Variants in B4GALT5 observed in about 807,000 individuals in gnomAD.
The protein encoded by B4GALT5 is UDP-Gal:beta-GlcNAc beta-1,4-galactosyltransferase 5.
In B4GALT5, 11 loss-of-function variants were observed where a neutral mutation model predicts 45.0. The ratio of observed to expected loss-of-function variants is 0.24; its 90% CI spans 0.15 to 0.40. The LOEUF (loss-of-function observed/expected upper bound fraction) is 0.40. B4GALT5 is among the 10% of genes least tolerant of loss of function. The pLI is 1.00. For missense variants in B4GALT5, 337 were observed against 500.2 expected, an observed-to-expected ratio of 0.67 and a Z score of 3.11; for synonymous variants, 185 against 182.9, an observed-to-expected ratio of 1.01 and a Z score of -0.09.
intron 1 of B4GALT5, among the ~76,000 whole-genome samples, chr20:49,684,834 T>C (rs2085778969): frequency 6.6e-6 from 1 of 152,202 alleles, no homozygotes; most frequent in African/African-American, 2.4e-5. Context: ...CTGTGTGATC[T>C]TGAGCTCGTG....
chr20:49,636,321 G>A lies in B4GALT5; in HGVS notation c.1158C>T (p.Asn386=), dbSNP rs146449189. 4,210 of 1,613,956 alleles carry A rather than the reference G, an allele frequency of 2.6e-3. 13 individuals are homozygous for A. The highest frequency in any genetic ancestry group is 7.9e-3 in the Middle Eastern group (48 of 6,062). The change falls in exon 9 of 9, where the codon AAC becomes AAT. Residue 386 remains asparagine (N), a synonymous_variant. Transcript: ENST00000371711. ...VNLTPELAQV[N]EY is the part of the protein sequence containing the mutation. ...CGTACATTCTCTCCTCTCAGTACTC[G>A]TTCACCTGAGCCAGCTCGGGTGTCA...
chr20:49,684,302 C>CCTCT (rs2085776432), intron 1 of B4GALT5, among the ~76,000 whole-genome samples: 1 of 152,118 alleles, frequency 6.6e-6, no homozygotes, highest in Non-Finnish European at 1.5e-5. Context: ...GTGGCTCATG[C>CCTCT]CTCTAATCCC....
chr20:49,689,383 T>C (rs1451421295), intron 1 of B4GALT5, among the ~76,000 whole-genome samples: 1 of 152,238 alleles, frequency 6.6e-6, no homozygotes, highest in Non-Finnish European at 1.5e-5. Flanking sequence ...ATTCAATGGA[T>C]CCGTTTCTGC....
chr20:49,690,855 G>A (rs542061033), intron 1 of B4GALT5, among the ~76,000 whole-genome samples: 3 of 152,160 alleles, frequency 2.0e-5, no homozygotes, highest in South Asian at 4.1e-4. Flanking sequence ...CCCTGAAATT[G>A]CAATTTATCT....
chr20:49,649,263 T>C (rs961317478), intron 2 of B4GALT5, among the ~76,000 whole-genome samples: 6 of 152,144 alleles, frequency 3.9e-5, no homozygotes, highest in Non-Finnish European at 4.4e-5. Flanking sequence ...TTATAGAGAA[T>C]AGTAGAGACT....
chr20:49,670,760 C>T (rs1447908573), intron 1 of B4GALT5, among the ~76,000 whole-genome samples: 1 of 152,102 alleles, frequency 6.6e-6, no homozygotes, highest in Non-Finnish European at 1.5e-5. Context: ...CATTCAGAGG[C>T]TTTGGTGGAA....
At chr20:49,664,985 T>C (rs1181663166) in intron 1 of B4GALT5, among the ~76,000 whole-genome samples, 1 of 152,134 alleles carries the variant, frequency 6.6e-6, no homozygotes, top group African/African-American at 2.4e-5. Flanking sequence ...AAAAGAAAAA[T>C]AAAAGGTTGT....
At chr20:49,698,112 A>C (rs1386482367) in intron 1 of B4GALT5, among the ~76,000 whole-genome samples, 1 of 152,204 alleles carries the variant, frequency 6.6e-6, no homozygotes. Context: ...ACCTGAAGTC[A>C]GGAGTTCAAG....
intron 1 of B4GALT5, among the ~76,000 whole-genome samples, chr20:49,697,160 G>C (rs2085842569): frequency 6.6e-6 from 1 of 152,208 alleles, no homozygotes; most frequent in Non-Finnish European, 1.5e-5. Context: ...GACATAAACA[G>C]CTAAAGAAAT....
chr20:49,676,540 G>A (rs2085738289), intron 1 of B4GALT5, among the ~76,000 whole-genome samples: 1 of 152,236 alleles, frequency 6.6e-6, no homozygotes, highest in Non-Finnish European at 1.5e-5. Context: ...AATAAAGAGA[G>A]GTATGAATGT....
intron 1 of B4GALT5, among the ~76,000 whole-genome samples, chr20:49,685,465 T>C (rs932680206): frequency 3.3e-5 from 5 of 152,096 alleles, no homozygotes; most frequent in Non-Finnish European, 5.9e-5. Context: ...GGGTAGCAAC[T>C]GCTGAGCCTC....
chr20:49,687,635 C>G (rs752643369), intron 1 of B4GALT5, among the ~76,000 whole-genome samples: 7 of 152,094 alleles, frequency 4.6e-5, no homozygotes, highest in Non-Finnish European at 8.8e-5. Context: ...CAGAGCAAGA[C>G]TCTGTCCTGG....
At chr20:49,679,554 T>C (rs2085755674) in intron 1 of B4GALT5, among the ~76,000 whole-genome samples, 1 of 151,104 alleles carries the variant, frequency 6.6e-6, no homozygotes, top group African/African-American at 2.4e-5. Flanking sequence ...CATGCACCTG[T>C]AGTCCCAGCT....
intron 1 of B4GALT5, among the ~76,000 whole-genome samples, chr20:49,678,450 G>A (rs1488463121): frequency 6.6e-6 from 1 of 152,180 alleles, no homozygotes; most frequent in African/African-American, 2.4e-5. Context: ...GAATGAAGAT[G>A]TCTTGCTATT....
chr20:49,645,091 TC>T (rs952191845), intron 3 of B4GALT5, among the ~76,000 whole-genome samples: 41 of 152,266 alleles, frequency 2.7e-4, no homozygotes, highest in African/African-American at 9.9e-4. Flanking sequence ...GAAAATAACT[TC>T]CAAGCAAGGC....
chr20:49,656,441 A>C (rs1250838686), intron 2 of B4GALT5, 127 bp downstream of exon 2: 2 of 1,216,342 alleles, frequency 1.6e-6, no homozygotes, highest in African/African-American at 3.0e-5. Context: ...TTTTAGCAGT[A>C]AAGTAAAACT....
chr20:49,672,108 C>G (rs2085718536), intron 1 of B4GALT5, among the ~76,000 whole-genome samples: 1 of 152,204 alleles, frequency 6.6e-6, no homozygotes. Context: ...CAAACATATT[C>G]TTCCACATAC....
chr20:49,679,715 A>C (rs963440905), intron 1 of B4GALT5, among the ~76,000 whole-genome samples: 4 of 152,116 alleles, frequency 2.6e-5, no homozygotes, highest in African/African-American at 7.2e-5. Context: ...CTTGTTTCAC[A>C]CATCAGCTGA....
At chr20:49,698,701 C>G (rs545409844) in intron 1 of B4GALT5, among the ~76,000 whole-genome samples, 97 of 152,250 alleles carry the variant, frequency 6.4e-4, no homozygotes, top group African/African-American at 2.2e-3. Context: ...TCCTAGTCAT[C>G]CAGGGACCAT....
Sources: allele counts gnomAD v4.1 joint callset (sites outside exome capture counted in the v4.1 genomes callset), GRCh38; gene constraint gnomAD v4.1.1; transcripts MANE v1.5; gene names NCBI Gene and HGNC (gene_info 2026-07-23, HGNC 2026-07-21).